Variants in ACSL5 observed in about 807,000 individuals in gnomAD.
ACSL5 encodes the protein acyl-CoA synthetase long chain family member 5.
A neutral mutation model predicts 84.9 loss-of-function variants in ACSL5; 50 were observed. The ratio of observed to expected loss-of-function variants is 0.59; its 90% CI spans 0.47 to 0.75. The LOEUF (loss-of-function observed/expected upper bound fraction) is 0.75, where lower values mean the gene tolerates loss of function less well. Ranked by LOEUF, ACSL5 falls within the 30% of genes least tolerant of loss-of-function variation. ACSL5 has a pLI of 0.00. For missense variants in ACSL5, 775 were observed against 830.4 expected, an observed-to-expected ratio of 0.93 and a Z score of 0.82; for synonymous variants, 280 against 300.7, an observed-to-expected ratio of 0.93 and a Z score of 0.71.
rs1484746991 is a variant in ACSL5, at chr10:112,417,887, T to G, written c.1260T>G (p.Ala420=). Residue 420 remains alanine, a synonymous_variant, in exon 14 of 21, where the codon GCT becomes GCG. Coordinates refer to ENST00000354655, the MANE Select transcript of ACSL5 (RefSeq NM_203379.2). ...GGRVRVIVTG[A]APMSTSVMTF... ...GGGTTCGTGTAATTGTCACTGGAGC[T>G]GCCCCCATGTCCACTTCAGTCATGA... is the stretch of plus-strand genomic sequence containing the variant. 3 of 1,613,912 alleles carry G rather than the reference T, an allele frequency of 1.9e-6. No homozygotes were observed. In the African/African-American group the frequency reaches 4.0e-5, roughly 22 times the overall value.
intron 9 of ACSL5, among the ~76,000 whole-genome samples, chr10:112,411,217 C>T (rs1423794286): frequency 1.3e-5 from 2 of 152,278 alleles, no homozygotes; most frequent in East Asian, 3.9e-4. Context: ...GTGCTTCTAT[C>T]TGAAATCATG....
chr10:112,420,043 T>C (rs988896685), intron 14 of ACSL5: 1 of 152,214 alleles, frequency 6.6e-6, no homozygotes, highest in Non-Finnish European at 1.5e-5. Flanking sequence ...ATGAGTCCCC[T>C]ATCTGTATAA....
intron 6 of ACSL5, 77 bp downstream of exon 6, chr10:112,408,598 A>ATTTG (rs1564738800): frequency 1.8e-6 from 2 of 1,110,110 alleles, no homozygotes; most frequent in African/African-American, 1.5e-5. Flanking sequence ...TTTTTTGTTT[A>ATTTG]TTTGTTTGTT....
chr10:112,389,233 G>A (rs1354206296), intron 1 of ACSL5, among the ~76,000 whole-genome samples: 3 of 152,182 alleles, frequency 2.0e-5, no homozygotes, highest in African/African-American at 7.2e-5. Context: ...GCACAGAGGT[G>A]TGAAGGCAGA....
At chr10:112,376,360 G>A (rs1406815068) in intron 1 of ACSL5, 2 of 1,614,178 alleles carry the variant, frequency 1.2e-6, no homozygotes, top group Non-Finnish European at 1.7e-6. Context: ...AGCGAGGGAA[G>A]AAGGACAGGG....
intron 14 of ACSL5, chr10:112,419,421 T>A (rs1844403368): frequency 6.6e-6 from 1 of 152,154 alleles, no homozygotes; most frequent in African/African-American, 2.4e-5. Flanking sequence ...TTTCTAAGAG[T>A]TCTTCACAGA....
chr10:112,399,069 T>C lies in ACSL5; in HGVS notation c.265+60T>C, dbSNP rs942640180. The C allele has an allele frequency of 1.6e-5, 22 of 1,383,902 alleles. No homozygotes were observed. The African/African-American group carries it at 2.3e-4, about 14-fold the overall frequency. 85.7% of individuals were successfully genotyped at this position (1,383,902 alleles called of 1,614,324 possible). A position where few individuals can be genotyped will look rare whatever the true frequency, so the allele number is the denominator to read the frequency against. ...CAAGGTGAGGTCTGTGGCCCATCTC[T>C]CTTTCTCTGTCTCACTTCTAAAACC... On this transcript the variant is annotated intron_variant, in intron 3 of 20. Transcript: ENST00000354655.
chr10:112,422,136 T>C (rs1844479663), intron 16 of ACSL5, 101 bp downstream of exon 16: 1 of 1,358,058 alleles, frequency 7.4e-7, no homozygotes, highest in Non-Finnish European at 1.0e-6. Flanking sequence ...CCCTTTGAGA[T>C]TGTTAGCAAA....
chr10:112,407,349 G>A (rs780696195), intron 5 of ACSL5, among the ~76,000 whole-genome samples: 4 of 151,972 alleles, frequency 2.6e-5, no homozygotes, highest in South Asian at 2.1e-4. Flanking sequence ...TCAGCCTCCC[G>A]AGTAGCTGGG....
In ACSL5 at chr10:112,374,792, C is replaced by T. The variant is rs72821850; in HGVS notation, c.-30+523C>T. On this transcript the variant is annotated intron_variant, in intron 1 of 20. Coordinates refer to ENST00000354655, the MANE Select transcript of ACSL5 (RefSeq NM_203379.2). ...CTTCCCATTTCACAGAGGCATAGTG[C>T]GTCTCCAGGCTGTTAAACAGCATGG... 3.3e-3 allele frequency among the ~76,000 whole-genome samples: 506 copies of T among 152,242 alleles called. 2 individuals carry two copies. The highest frequency in any genetic ancestry group is 4.2e-3 in the Non-Finnish European group (286 of 67,996).
rs774767660 is a variant in ACSL5 at position 112,409,563 on chromosome 10, A to G, written c.589A>G (p.Asn197Asp). ...CCAAAAGGCATTGGTGCTGATAGGG[A>G]ATGTAGAGAAAGGCTTCACCCCGAG... ...TPQKALVLIG[N>D]VEKGFTPSLK... Residue 197 changes from asparagine (N) to aspartate (D), a missense_variant, in exon 7 of 21, where the codon AAT (asparagine) becomes GAT (aspartate). Physicochemically the swap from Asn to Asp is conservative, Grantham distance 23. Coordinates refer to ENST00000354655, the MANE Select transcript of ACSL5 (RefSeq NM_203379.2). 6.2e-7 allele frequency: 1 copy of G among 1,613,974 alleles called. No homozygotes were observed. The highest frequency in any genetic ancestry group is 8.5e-7 in the Non-Finnish European group (1 of 1,179,996).
In ACSL5 at chr10:112,398,926, A is replaced by G; in HGVS notation, c.182A>G (p.Gln61Arg). ...GGAGGAGCACGGAAGGGGGTTTCCCAGAAGAACAATGACCTAACAAGTTGC... is the reference window on the plus strand; with the variant it reads ...GGAGGAGCACGGAAGGGGGTTTCCCGGAAGAACAATGACCTAACAAGTTGC... ...IEGGARKGVS[Q>R]KNNDLTSCCF... The change falls in exon 3 of 21, where the codon CAG (glutamine) becomes CGG (arginine). Residue 61 changes from glutamine (Q) to arginine (R), a missense_variant. Physicochemically the swap from Gln to Arg is conservative, Grantham distance 43. Coordinates refer to ENST00000354655, the MANE Select transcript of ACSL5 (RefSeq NM_203379.2). The G allele has an allele frequency of 3.7e-6, 6 of 1,613,926 alleles. No individual in the cohort carries two copies. The highest frequency in any genetic ancestry group is 5.1e-6 in the Non-Finnish European group (6 of 1,179,970).
chr10:112,384,761 T>C (rs1849417488), intron 1 of ACSL5, among the ~76,000 whole-genome samples: 1 of 152,154 alleles, frequency 6.6e-6, no homozygotes, highest in South Asian at 2.1e-4. Flanking sequence ...AAGCAATATA[T>C]CCACCTCAGC....
intron 10 of ACSL5, 66 bp downstream of exon 10, chr10:112,411,595 G>A: frequency 6.8e-7 from 1 of 1,475,530 alleles, no homozygotes; most frequent in Non-Finnish European, 9.4e-7. Context: ...TTTTATTTTT[G>A]AGGTTAGAGC....
intron 1 of ACSL5, among the ~76,000 whole-genome samples, chr10:112,382,084 C>T (rs1849362214): frequency 6.6e-6 from 1 of 152,164 alleles, no homozygotes; most frequent in Non-Finnish European, 1.5e-5. Context: ...ACCAGAAGTT[C>T]TGAGCATGCT....
chr10:112,394,586 C>T, intron 1 of ACSL5: 1 of 325,230 alleles, frequency 3.1e-6, no homozygotes, highest in Non-Finnish European at 4.4e-6. Context: ...AGGCTGCCTT[C>T]TTCCAGGCTT....
chr10:112,426,200 G>A, intron 18 of ACSL5, 58 bp from the exon 19 acceptor site: 2 of 1,352,172 alleles, frequency 1.5e-6, no homozygotes, highest in South Asian at 2.4e-5. Flanking sequence ...TTAACTACTG[G>A]GGGACATCCC....
rs946709650 is a variant in ACSL5, at chr10:112,408,423, G to T, written c.434G>T (p.Trp145Leu). 6.2e-7 allele frequency: 1 copy of T among 1,605,150 alleles called. No individual in the cohort carries two copies. The highest frequency in any genetic ancestry group is 1.3e-5 in the African/African-American group (1 of 74,662). The change falls in exon 6 of 21, where the codon TGG becomes TTG. Residue 145 changes from tryptophan to leucine, a missense_variant and splice_region_variant. By Grantham distance (61) the Trp-to-Leu change is moderately conservative. Coordinates refer to ENST00000354655, the MANE Select transcript of ACSL5 (RefSeq NM_203379.2). Reference protein sequence around the residue: ...VGIFAQNRPEWIISELACYTY... With the variant: ...VGIFAQNRPELIISELACYTY... Reference sequence around the variant, plus strand: ...TTACTTGAACTTCTCTCTGTACAGTGGATCATCTCCGAATTGGCTTGTTAC... The same window carrying T: ...TTACTTGAACTTCTCTCTGTACAGTTGATCATCTCCGAATTGGCTTGTTAC...
At chr10:112,426,459 C>G in intron 19 of ACSL5, 100 bp downstream of exon 19, 2 of 964,424 alleles carry the variant, frequency 2.1e-6, no homozygotes, top group Non-Finnish European at 3.2e-6. Context: ...GGCTGCAGCC[C>G]AAACAGACTG....
Sources: gnomAD v4.1 joint callset for allele counts (sites outside exome capture counted in the v4.1 genomes callset) on GRCh38, gnomAD v4.1.1 for gene constraint, MANE v1.5 for transcripts, NCBI Gene and HGNC (gene_info 2026-07-23, HGNC 2026-07-21) for gene names.